PARVB: variants seen among roughly 807,000 people sequenced by gnomAD.
The protein encoded by PARVB is beta-parvin.
Under a neutral mutation model 47.0 loss-of-function variants are expected in PARVB, and 46 were observed. The observed-to-expected ratio is 0.98, with a 90% CI of 0.77 to 1.25. PARVB has a LOEUF of 1.25. Among genes scored for constraint, PARVB ranks in the 50% most tolerant of loss-of-function variants. The pLI is 0.00. For synonymous variants in PARVB, 196 were observed against 196.3 expected, an observed-to-expected ratio of 1.00 and a Z score of 0.01; for missense variants, 473 against 471.6, an observed-to-expected ratio of 1.00 and a Z score of -0.03.
chr22:44,027,914 C>CATATATATATATATATATAT (rs3083338), intron 1 of PARVB, among the ~76,000 whole-genome samples: 38 of 133,240 alleles, frequency 2.9e-4, no homozygotes, highest in African/African-American at 9.5e-4. Flanking sequence ...AAAAAAAAAC[C>CATATATATATATATATATAT]ATATATATAT....
At chr22:44,044,301 C>T (rs906841770) in intron 1 of PARVB, among the ~76,000 whole-genome samples, 3 of 148,636 alleles carry the variant, frequency 2.0e-5, no homozygotes, top group Admixed American at 6.8e-5. Context: ...CGCCATTCTT[C>T]TGCCTCAGCC....
chr22:44,097,056 A>G (rs956756123), intron 2 of PARVB, among the ~76,000 whole-genome samples: 1 of 149,058 alleles, frequency 6.7e-6, no homozygotes, highest in Non-Finnish European at 1.5e-5. Flanking sequence ...GTCCTGCCTC[A>G]GTCTTGGAGC....
rs77256496 is a variant in PARVB at position 44,053,962 on chromosome 22, C to T, written c.112+29511C>T. Among the ~76,000 whole-genome samples the T allele has an allele frequency of 8.0e-3, 1,224 of 152,232 alleles. 17 individuals are homozygous for T. Among genetic ancestry groups the T allele is most frequent in the African/African-American group, 0.028 (1,160 of 41,542 alleles). On this transcript the variant is annotated intron_variant, in intron 1 of 12. Coordinates refer to ENST00000338758, the MANE Select transcript of PARVB (RefSeq NM_013327.5). Reference sequence around the variant, plus strand: ...CTCCCTGAATCCTGCCTTCCTGGGCCTTTTATGGAGCCTCATTGGATATGC... The same window carrying T: ...CTCCCTGAATCCTGCCTTCCTGGGCTTTTTATGGAGCCTCATTGGATATGC...
At chr22:44,101,697 G>A (rs182008172) in intron 3 of PARVB, among the ~76,000 whole-genome samples, 4 of 150,202 alleles carry the variant, frequency 2.7e-5, no homozygotes, top group African/African-American at 7.4e-5. Flanking sequence ...GCGTTGAGCC[G>A]AGATCTCGCC....
chr22:44,055,678 C>CTCTCTCTCTATATATATATATATATA (rs1438284048), intron 1 of PARVB, among the ~76,000 whole-genome samples: 1 of 142,680 alleles, frequency 7.0e-6, no homozygotes, highest in African/African-American at 2.6e-5. Context: ...CTCTCTCTCT[C>CTCTCTCTCTATATATATATATATATA]TATATATATA....
At chr22:43,999,443 T>G in intron 1 of PARVB, 1 of 1,595,276 alleles carries the variant, frequency 6.3e-7, no homozygotes, top group Non-Finnish European at 8.6e-7. Flanking sequence ...ACGAATGTTG[T>G]TAAAATCAGG....
At chr22:44,009,970 CTAA>C (rs993078168) in intron 2 of PARVB, among the ~76,000 whole-genome samples, 17 of 151,928 alleles carry the variant, frequency 1.1e-4, no homozygotes, top group African/African-American at 3.1e-4. Flanking sequence ...CCACGCCCAG[CTAA>C]TTTTTTGTAT....
chr22:44,057,150 GTTCCATTTGTGGGAAAAT>G, intron 1 of PARVB, among the ~76,000 whole-genome samples: 1 of 151,676 alleles, frequency 6.6e-6, no homozygotes, highest in East Asian at 1.9e-4. Flanking sequence ...GAAGCGTGTC[GTTCCATTTGTGGGAAAAT>G]TAAACACATT....
At chr22:44,134,740 G>A (rs548823066) in intron 6 of PARVB, among the ~76,000 whole-genome samples, 1 of 152,298 alleles carries the variant, frequency 6.6e-6, no homozygotes, top group South Asian at 2.1e-4. Context: ...AAGGGATGTG[G>A]CATTTCCAGG....
chr22:44,103,677 C>T lies in PARVB; in HGVS notation c.273+3554C>T, dbSNP rs993026668. The T allele has an allele frequency of 5.3e-5, 8 of 152,148 alleles. No individual in the cohort carries two copies. Among genetic ancestry groups the T allele is most frequent in the Admixed American group, 3.9e-4 (6 of 15,276 alleles). 9.4% of individuals were successfully genotyped at this position (152,148 alleles called of 1,614,324 possible). The stretch of plus-strand genomic sequence containing the variant: ...ATGATCCAGGCGGGCCCAGTGTGTT[C>T]GCTAGTGTCTGTATAAGAGGGACAT... On this transcript the variant is annotated intron_variant, in intron 3 of 12. Transcript: ENST00000338758. This position sits in a 1 kb window ranked among gnomAD's most constrained non-coding sequence, Gnocchi z 4.6.
In PARVB at chr22:44,004,258, C is replaced by T. The variant is rs73888810; in HGVS notation, c.211+4585C>T. Among the ~76,000 whole-genome samples the T allele has an allele frequency of 5.7e-3, 864 of 152,292 alleles. 12 individuals carry two copies. Among genetic ancestry groups the T allele is most frequent in the African/African-American group, 0.02 (819 of 41,570 alleles). On this transcript the variant is annotated intron_variant, in intron 2 of 13. Transcript: ENST00000406477. ...GCAGAGGTGCTGGGGCAGGAGCAGG[C>T]GCTCCAGGTCGCGCGCGAAGTCAGT...
chr22:44,140,093 C>G (rs564349357), intron 7 of PARVB, 31 bp from the exon 8 acceptor site: 2 of 1,136,224 alleles, frequency 1.8e-6, no homozygotes, highest in Admixed American at 2.7e-5. Context: ...AGTGACCCAT[C>G]TCATGGCTCT....
intron 1 of PARVB, among the ~76,000 whole-genome samples, chr22:44,055,507 G>A (rs1259902622): frequency 6.6e-6 from 1 of 151,962 alleles, no homozygotes; most frequent in African/African-American, 2.4e-5. Flanking sequence ...GCTAATTTTT[G>A]TATTTTTAGT....
rs1470424704 is a variant in PARVB, at chr22:44,172,540, TCC to T, written c.*3864_*3865del. On this transcript the variant is annotated 3_prime_UTR_variant, in exon 13 of 13. Transcript: ENST00000338758. ...TCAACCCACACCAGCTAGGGGAGCC[TCC>T]CGCAGCTTCAGTTCCCCTTTGACGC... 1 of 169,330 alleles carries T rather than the reference TCC, an allele frequency of 5.9e-6. No individual in the cohort carries two copies. The highest frequency in any genetic ancestry group is 2.4e-5 in the African/African-American group (1 of 41,502). 10.5% of individuals were successfully genotyped at this position (169,330 alleles called of 1,614,324 possible). A position where few individuals can be genotyped will look rare whatever the true frequency, so the allele number is the denominator to read the frequency against.
intron 12 of PARVB, among the ~76,000 whole-genome samples, chr22:44,166,301 G>C (rs1474910213): frequency 6.6e-6 from 1 of 152,174 alleles, no homozygotes; most frequent in Non-Finnish European, 1.5e-5. Flanking sequence ...GTAGAGATGG[G>C]GTTTCACCAT....
intron 1 of PARVB, among the ~76,000 whole-genome samples, chr22:44,086,114 A>G (rs919151139): frequency 1.3e-5 from 2 of 152,116 alleles, no homozygotes; most frequent in Admixed American, 1.3e-4. Flanking sequence ...TCCTCTAGTC[A>G]TGTCAGCACC....
At position 44,093,991 on chromosome 22, in the gene PARVB, A is replaced by G; in HGVS notation, c.176A>G (p.Asp59Gly). ...TCACCGATGTCCCCCGCCCTGGTGG[A>G]TGTTCACCCTGAAGACACCCAGCTT... ...INSPMSPALV[D>G]VHPEDTQLEE... The change falls in exon 2 of 13, where the codon GAT becomes GGT. Residue 59 changes from aspartate (D) to glycine (G), a missense_variant. Transcript: ENST00000338758. 3 of 1,612,048 alleles carry G rather than the reference A, an allele frequency of 1.9e-6. No individual in the cohort carries two copies. Among genetic ancestry groups the G allele is most frequent in the Non-Finnish European group, 1.7e-6 (2 of 1,178,188 alleles).
intron 1 of PARVB, among the ~76,000 whole-genome samples, chr22:44,076,058 G>A (rs1335043323): frequency 6.6e-6 from 1 of 152,268 alleles, no homozygotes; most frequent in Non-Finnish European, 1.5e-5. Flanking sequence ...GGCAGGTGGG[G>A]CCGGGACTTG....
At chr22:44,059,264 A>C (rs1208206041) in intron 1 of PARVB, among the ~76,000 whole-genome samples, 1 of 151,362 alleles carries the variant, frequency 6.6e-6, no homozygotes, top group African/African-American at 2.4e-5. Context: ...CAGGCTGGTC[A>C]CGAACTCCTG....
Sources: gnomAD v4.1 joint callset for allele counts (sites outside exome capture counted in the v4.1 genomes callset) on GRCh38, gnomAD v4.1.1 for gene constraint, Gnocchi (gnomAD v3.1) non-coding constraint, MANE v1.5 for transcripts, NCBI Gene and HGNC (gene_info 2026-07-23, HGNC 2026-07-21) for gene names.